AKR1C2: variants seen among roughly 807,000 people sequenced by gnomAD.
AKR1C2 encodes the protein 3-alpha-HSD3.
Under a neutral mutation model 39.8 loss-of-function variants are expected in AKR1C2, and 27 were observed. That is an observed-to-expected ratio of 0.68 (90% CI 0.50 to 0.93). The LOEUF is 0.93. AKR1C2 is among the 40% of genes least tolerant of loss of function. The pLI, the probability that AKR1C2 is intolerant of heterozygous loss-of-function variation, is 0.00. For missense variants in AKR1C2, 263 were observed against 365.1 expected (o/e 0.72, Z 2.28); for synonymous variants, 114 against 137.9 (o/e 0.83, Z 1.22).
At chr10:4,993,178 T>G (rs1836901481) in intron 7 of AKR1C2, among the ~76,000 whole-genome samples, 1 of 152,202 alleles carries the variant, frequency 6.6e-6, no homozygotes, top group Admixed American at 6.5e-5. Flanking sequence ...TTCAAAATTT[T>G]AAATAACACA....
chr10:5,009,335 G>A (rs1837471572), intron 1 of AKR1C2, among the ~76,000 whole-genome samples: 1 of 152,038 alleles, frequency 6.6e-6, no homozygotes, highest in South Asian at 2.1e-4. Context: ...TGCCTTGTCT[G>A]CACTGTTTGT....
At chr10:5,006,121 C>A (rs571568955), upstream of AKR1C2, 9 of 152,264 alleles carry the variant, frequency 5.9e-5, no homozygotes, top group African/African-American at 2.2e-4. Flanking sequence ...ACCTTCAAGC[C>A]AACCAGTATG....
intron 2 of AKR1C2, 23 bp from the exon 3 acceptor site, chr10:5,000,689 G>A (rs1837239659): frequency 1.9e-6 from 3 of 1,596,512 alleles, no homozygotes; most frequent in African/African-American, 2.7e-5. Context: ...GAGAAACGAA[G>A]TTGTGTAATG....
intron 5 of AKR1C2, among the ~76,000 whole-genome samples, chr10:4,997,814 T>G (rs1554773275): frequency 2.6e-5 from 4 of 152,170 alleles, no homozygotes; most frequent in Non-Finnish European, 5.9e-5. Context: ...CTGAAATGTG[T>G]GTAACATTTG....
intron 1 of AKR1C2, 112 bp downstream of exon 1, chr10:5,003,640 C>G (rs560313498): frequency 8.7e-7 from 1 of 1,146,438 alleles, no homozygotes; most frequent in East Asian, 2.4e-5. Flanking sequence ...CAAAGACTGA[C>G]GTTTAAAGGG....
At chr10:4,991,741 T>G (rs1554772276) in intron 8 of AKR1C2, 90 bp downstream of exon 8, 1 of 252,550 alleles carries the variant, frequency 4.0e-6, no homozygotes, top group Admixed American at 6.0e-5. Context: ...CGTTGGCCTC[T>G]GTGCCCCTGG....
intron 7 of AKR1C2, among the ~76,000 whole-genome samples, chr10:4,994,426 G>C (rs1367919461): frequency 6.6e-6 from 1 of 152,058 alleles, no homozygotes. Context: ...AGTAAGAGGT[G>C]GTGTGTGTTT....
At chr10:4,994,546 C>G (rs143665607) in intron 7 of AKR1C2, among the ~76,000 whole-genome samples, 118 of 152,276 alleles carry the variant, frequency 7.7e-4, no homozygotes, top group Non-Finnish European at 1.1e-3. Flanking sequence ...TTGCACATGT[C>G]CATTCACTAT....
At chr10:5,002,989 T>G (rs1459894480) in intron 1 of AKR1C2, among the ~76,000 whole-genome samples, 1 of 152,246 alleles carries the variant, frequency 6.6e-6, no homozygotes, top group Non-Finnish European at 1.5e-5. Context: ...AACTAGTTCC[T>G]ATTCACACAC....
At position 4,998,645 on chromosome 10, in the gene AKR1C2, A is replaced by C. The variant is rs1564330310; in HGVS notation, c.550T>G (p.Tyr184Asp). ...CTCACCTGGTTGCAGACAGGCTTGTACTTGAGCCCTGGCTTGTTGAGGATC... is the reference window on the plus strand; with the variant it reads ...CTCACCTGGTTGCAGACAGGCTTGTCCTTGAGCCCTGGCTTGTTGAGGATC... ...EMILNKPGLKYKPVCNQVECH... is the reference protein window; with the variant it reads ...EMILNKPGLKDKPVCNQVECH... The change falls in exon 5 of 9, where the codon TAC becomes GAC. Residue 184 changes from tyrosine to aspartate, a missense_variant. Around this residue, in one of 3 missense-constraint regions of AKR1C2, gnomAD observed 247 missense variants for 267.9 expected, o/e 0.92. Coordinates refer to ENST00000380753, the MANE Select transcript of AKR1C2 (RefSeq NM_001393392.1). 2.5e-6 allele frequency: 4 copies of C among 1,614,156 alleles called. No homozygotes were observed. The highest frequency in any genetic ancestry group is 3.4e-6 in the Non-Finnish European group (4 of 1,180,028).
At chr10:5,009,639 C>G (rs7088486) in intron 1 of AKR1C2, among the ~76,000 whole-genome samples, 35,754 of 151,520 alleles carry the variant, frequency 0.24, 4,750 homozygotes, top group East Asian at 0.59. Flanking sequence ...AGCCTGGATA[C>G]TCGTGCCCCT....
intron 1 of AKR1C2, among the ~76,000 whole-genome samples, chr10:5,002,922 T>G (rs1187349090): frequency 6.6e-6 from 1 of 152,220 alleles, no homozygotes; most frequent in East Asian, 1.9e-4. Flanking sequence ...CTTCAAAATG[T>G]CCCTTTGTAA....
At chr10:5,012,814 C>G (rs2131728526) in intron 1 of AKR1C2, among the ~76,000 whole-genome samples, 1 of 152,194 alleles carries the variant, frequency 6.6e-6, no homozygotes, top group East Asian at 1.9e-4. Flanking sequence ...TCTCCTGCAT[C>G]ATCAATTTTT....
Position 4,996,010 on chromosome 10 carries a change from A to G in AKR1C2, c.571-145T>C, listed in dbSNP as rs1837023364. ...GTCAAAAATGATCTTTTTCATAAAA[A>G]TAAATTTTATGCCCCTCTCTCCTAA... On this transcript the variant is annotated intron_variant, in intron 5 of 8. Transcript: ENST00000380753. 4.3e-6 allele frequency: 4 copies of G among 927,202 alleles called. No homozygotes were observed. In the Admixed American group the frequency reaches 1.2e-4, roughly 28 times the overall value. 57.4% of individuals were successfully genotyped at this position (927,202 alleles called of 1,614,324 possible).
Position 5,001,570 on chromosome 10 carries a change from G to A in AKR1C2, c.196C>T (p.Arg66Ter), listed in dbSNP as rs782550595. 24 of 1,613,742 alleles carry A rather than the reference G, an allele frequency of 1.5e-5. No individual in the cohort carries two copies. Among genetic ancestry groups the A allele is most frequent in the Admixed American group, 1.3e-4 (8 of 59,976 alleles). ...ACACTGCCATCTGCAATCTTGCTTC[G>A]GATGGCCAGTCCAACCTGCTCCTCA... ...NNEEQVGLAI[R>*]SKIADGSVKR... Residue 66 changes from arginine to a stop codon, truncating the protein, a stop_gained, in exon 2 of 9, where the codon CGA becomes TGA. Transcript: ENST00000380753. LOFTEE classifies it high-confidence loss of function.
chr10:4,996,707 C>T (rs1837061766), intron 5 of AKR1C2, among the ~76,000 whole-genome samples: 1 of 151,774 alleles, frequency 6.6e-6, no homozygotes, highest in African/African-American at 2.4e-5. Flanking sequence ...ACAGTAATTA[C>T]GTTCACAGTA....
At chr10:5,017,208 C>A (rs1344180700) in intron 1 of AKR1C2, among the ~76,000 whole-genome samples, 2 of 152,214 alleles carry the variant, frequency 1.3e-5, no homozygotes, top group Non-Finnish European at 2.9e-5. Flanking sequence ...CTGCAACCAC[C>A]TTGAATTCTT....
rs1218336052 is a variant in AKR1C2, at chr10:4,988,648, G to A, written c.*1348C>T. On this transcript the variant is annotated 3_prime_UTR_variant, in exon 9 of 9. Transcript: ENST00000380753. ...CAGCTCTGAGACATGGCTTGAGAAG[G>A]AATCTCTGATGGGGTTAACATGGCT... The A allele has an allele frequency of 1.3e-5, 2 of 152,154 alleles. No individual in the cohort carries two copies. Among genetic ancestry groups the A allele is most frequent in the Non-Finnish European group, 2.9e-5 (2 of 68,022 alleles). 9.4% of individuals were successfully genotyped at this position (152,154 alleles called of 1,614,324 possible).
chr10:5,003,866 C>T (rs1234904991), upstream of AKR1C2: 11 of 1,613,432 alleles, frequency 6.8e-6, no homozygotes, highest in Non-Finnish European at 9.3e-6. Flanking sequence ...GCAAATGTTT[C>T]TTCCTCCCTC....
Sources: allele counts gnomAD v4.1 joint callset (sites outside exome capture counted in the v4.1 genomes callset), GRCh38; gene constraint gnomAD v4.1.1; regional missense constraint gnomAD v4.1.1; transcripts MANE v1.5; gene names NCBI Gene and HGNC (gene_info 2026-07-23, HGNC 2026-07-21).